The following CYFIP1 variants were observed in gnomAD, a reference collection of about 807,000 sequenced individuals.
CYFIP1 encodes cytoplasmic FMR1 interacting protein 1, also known as cytoplasmic FMR1-interacting protein 1.
A neutral mutation model predicts 163.5 loss-of-function variants in CYFIP1; 58 were observed. The ratio of observed to expected loss-of-function variants is 0.35; its 90% CI spans 0.29 to 0.44. CYFIP1 has a LOEUF of 0.44. CYFIP1 is among the 20% of genes least tolerant of loss of function. CYFIP1 has a pLI of 1.00. For synonymous variants in CYFIP1, 663 were observed against 660.7 expected (o/e 1.00, Z -0.05); for missense variants, 1,338 against 1,653.8 (o/e 0.81, Z 3.31).
chr15:22,906,310 G>A (rs1420529624), intron 21 of CYFIP1, among the ~76,000 whole-genome samples: 2 of 151,436 alleles, frequency 1.3e-5, no homozygotes, highest in African/African-American at 4.9e-5. Context: ...GTTTCACCAC[G>A]TTGGCCAGCC....
rs149958580 is a variant in CYFIP1 at position 22,903,578 on chromosome 15, T to C, written c.2588+128A>G. On this transcript the variant is annotated intron_variant, in intron 22 of 30. Coordinates refer to ENST00000617928, the MANE Select transcript of CYFIP1 (RefSeq NM_014608.6). ...AAGACACTGGAGGGCCTGCGTGCTC[T>C]TCATGTGAGAAGTGATGGGGAGCAG... 79 of 1,004,572 alleles carry C rather than the reference T, an allele frequency of 7.9e-5. 2 individuals are homozygous for C. In the African/African-American group the frequency reaches 1.1e-3, roughly 15 times the overall value. The allele number at this position is 1,004,572 out of a possible 1,614,324, so 62.2% of individuals were successfully genotyped here. A position where few individuals can be genotyped will look rare whatever the true frequency, so the allele number is the denominator to read the frequency against.
chr15:22,906,943 T>C lies in CYFIP1; in HGVS notation c.2388+2251A>G, dbSNP rs189482506. ...GGGATTGGACCATGATCTTTACCTG[T>C]GGCTCGACTGGAAGTGAAATAAGCT... On this transcript the variant is annotated intron_variant, in intron 21 of 30. Coordinates refer to ENST00000617928, the MANE Select transcript of CYFIP1 (RefSeq NM_014608.6). Among the ~76,000 whole-genome samples, 12 of 152,276 alleles carry C rather than the reference T, an allele frequency of 7.9e-5. No individual in the cohort carries two copies. The East Asian group carries it at 2.1e-3, about 27-fold the overall frequency.
rs888007522 is a variant in CYFIP1, at chr15:22,867,355, A to G, written c.*2673T>C. On this transcript the variant is annotated 3_prime_UTR_variant, in exon 31 of 31. Transcript: ENST00000617928. The stretch of plus-strand genomic sequence containing the variant: ...TTGAAATATTTATTAAGGGAAAACT[A>G]AGTTACTGAATGAAGGAACCTCTTT... The G allele has an allele frequency of 5.3e-5, 21 of 394,522 alleles. No homozygotes were observed. The highest frequency in any genetic ancestry group is 8.9e-5 in the Non-Finnish European group (20 of 224,072). 24.4% of individuals were successfully genotyped at this position (394,522 alleles called of 1,614,324 possible).
chr15:22,900,056 C>T (rs1158271063), intron 22 of CYFIP1, among the ~76,000 whole-genome samples: 1 of 152,108 alleles, frequency 6.6e-6, no homozygotes, highest in Non-Finnish European at 1.5e-5. Flanking sequence ...AAGATATGTT[C>T]AATCCTCACT....
Position 22,928,006 on chromosome 15 carries a change from T to C in CYFIP1, c.1133A>G (p.Gln378Arg). 1 of 1,578,620 alleles carries C rather than the reference T, an allele frequency of 6.3e-7. No homozygotes were observed. Among genetic ancestry groups the C allele is most frequent in the Non-Finnish European group, 8.6e-7 (1 of 1,166,084 alleles). Residue 378 changes from glutamine (Q) to arginine (R), a missense_variant, in exon 12 of 31, where the codon CAG (glutamine) becomes CGG (arginine). Gln to Arg is a conservative substitution (Grantham distance 43). Coordinates refer to ENST00000617928, the MANE Select transcript of CYFIP1 (RefSeq NM_014608.6). Reference sequence around the variant, plus strand: ...CTCCGCGTCCGTCTTCTGGGCCTCCTGGCGGCCCGAGCCCGTGACCACCTG... The same window carrying C: ...CTCCGCGTCCGTCTTCTGGGCCTCCCGGCGGCCCGAGCCCGTGACCACCTG... The part of the protein sequence containing the change: ...NSEVVTGSGR[Q>R]EAQKTDAEYR...
chr15:22,955,575 T>C (rs2062419364), intron 1 of CYFIP1, among the ~76,000 whole-genome samples: 1 of 111,112 alleles, frequency 9.0e-6, no homozygotes, highest in Non-Finnish European at 2.0e-5. Context: ...AGCAGAGCCC[T>C]GAAGATGCTG....
At chr15:22,875,314 G>C (rs779987058) in intron 26 of CYFIP1, 43 bp from the exon 27 acceptor site, 1 of 1,556,342 alleles carries the variant, frequency 6.4e-7, no homozygotes, top group Admixed American at 1.7e-5. Context: ...AGGGTATCTC[G>C]CCAGAGAGCA....
chr15:22,945,695 T>A (rs1846466323), intron 3 of CYFIP1, among the ~76,000 whole-genome samples: 1 of 151,740 alleles, frequency 6.6e-6, no homozygotes, highest in Admixed American at 6.6e-5. Context: ...TGCCTCAGCC[T>A]CCTGAGTAGC....
intron 20 of CYFIP1, among the ~76,000 whole-genome samples, chr15:22,909,957 T>C (rs927660221): frequency 2.6e-5 from 4 of 152,120 alleles, no homozygotes; most frequent in Non-Finnish European, 1.5e-5. Context: ...TTTGGGCTCC[T>C]GGAGAAGGGC....
chr15:22,903,955 G>A, intron 21 of CYFIP1, 50 bp from the exon 22 acceptor site: 1 of 1,571,814 alleles, frequency 6.4e-7, no homozygotes. Context: ...CAGGCAGGAA[G>A]GAGGCGCCGA....
Position 22,939,275 on chromosome 15 carries a change from G to A in CYFIP1, c.712C>T (p.Leu238=), listed in dbSNP as rs771310513. ...LEVISGYEEL[L]ADIVNLCVDY... Reference sequence around the variant, plus strand: ...ACACACAGATTCACAATATCTGCCAGGAGCTCTTCGTAGCCAGAAATCACT... The same window carrying A: ...ACACACAGATTCACAATATCTGCCAAGAGCTCTTCGTAGCCAGAAATCACT... Residue 238 remains leucine (L), a synonymous_variant, in exon 8 of 31, where the codon CTG becomes TTG. Transcript: ENST00000617928. 3 of 1,614,056 alleles carry A rather than the reference G, an allele frequency of 1.9e-6. No homozygotes were observed. Among genetic ancestry groups the A allele is most frequent in the Non-Finnish European group, 2.5e-6 (3 of 1,180,038 alleles).
intron 25 of CYFIP1, among the ~76,000 whole-genome samples, chr15:22,880,388 T>C (rs1331241379): frequency 6.6e-6 from 1 of 152,090 alleles, no homozygotes; most frequent in Non-Finnish European, 1.5e-5. Context: ...TTTGACAAAA[T>C]GCAATCTCTC....
chr15:22,882,795 G>T, intron 24 of CYFIP1, 73 bp downstream of exon 24: 2 of 1,540,862 alleles, frequency 1.3e-6, no homozygotes, highest in South Asian at 2.4e-5. Flanking sequence ...AGTCCAGGCA[G>T]AGAAGACCCT....
Position 22,917,946 on chromosome 15 carries a change from C to A in CYFIP1, c.1527-11G>T. ...ATGGCCTGCAGGACACTGAACACCC[C>A]ACCAAGTGATCAGCAAGGCCCAGAG... On this transcript the variant is annotated splice_polypyrimidine_tract_variant and intron_variant, in intron 14 of 30. Coordinates refer to ENST00000617928, the MANE Select transcript of CYFIP1 (RefSeq NM_014608.6). This position sits in a 1 kb window ranked among gnomAD's most constrained non-coding sequence, Gnocchi z 4.2. 6.2e-7 allele frequency: 1 copy of A among 1,611,360 alleles called. No homozygotes were observed. The highest frequency in any genetic ancestry group is 8.5e-7 in the Non-Finnish European group (1 of 1,178,852).
At chr15:22,907,749 G>T (rs917025812) in intron 21 of CYFIP1, among the ~76,000 whole-genome samples, 1 of 152,190 alleles carries the variant, frequency 6.6e-6, no homozygotes, top group African/African-American at 2.4e-5. Flanking sequence ...TCAGAGTTGG[G>T]GGGTGGTCAG....
At chr15:22,874,406 C>T (rs935615821) in intron 28 of CYFIP1, 144 bp downstream of exon 28, 25 of 572,916 alleles carry the variant, frequency 4.4e-5, no homozygotes, top group Admixed American at 4.1e-4. Flanking sequence ...TCCTGGTGCA[C>T]ACCCCACTTG....
intron 14 of CYFIP1, among the ~76,000 whole-genome samples, chr15:22,918,431 C>T (rs752940786): frequency 6.6e-6 from 1 of 152,252 alleles, no homozygotes; most frequent in Non-Finnish European, 1.5e-5. Context: ...GAACCACAGG[C>T]ACCGCGAGCC....
At chr15:22,971,581 CAGG>C (rs1228455142) in intron 1 of CYFIP1, among the ~76,000 whole-genome samples, 9 of 151,600 alleles carry the variant, frequency 5.9e-5, no homozygotes, top group African/African-American at 2.2e-4. Flanking sequence ...GAGGCTGAGG[CAGG>C]AGAACTGCTT....
intron 11 of CYFIP1, among the ~76,000 whole-genome samples, chr15:22,931,973 A>G (rs184217537): frequency 6.6e-6 from 1 of 152,178 alleles, no homozygotes; most frequent in East Asian, 1.9e-4. Context: ...CCTAGGAGCC[A>G]TCCGCTGTAC....
Sources: allele counts gnomAD v4.1 joint callset (sites outside exome capture counted in the v4.1 genomes callset), GRCh38; gene constraint gnomAD v4.1.1; non-coding constraint Gnocchi (gnomAD v3.1); transcripts MANE v1.5; gene names NCBI Gene and HGNC (gene_info 2026-07-23, HGNC 2026-07-21).